The following GNAL variants were observed in gnomAD, a reference collection of about 807,000 sequenced individuals.
The protein encoded by GNAL is G protein subunit alpha L, also known as guanine nucleotide-binding protein G(olf) subunit alpha.
GNAL carries 18 observed loss-of-function variants against 55.1 expected under a neutral mutation model. The observed-to-expected ratio is 0.33, with a 90% CI of 0.23 to 0.48. The LOEUF is 0.48. GNAL is among the 20% of genes least tolerant of loss of function. The pLI is 0.99. For missense variants in GNAL, 412 were observed against 614.1 expected (o/e 0.67, Z 3.48); for synonymous variants, 253 against 237.0 (o/e 1.07, Z -0.62).
At chr18:11,753,801 TA>T (rs770838797) in intron 3 of GNAL, 24 bp from the exon 4 acceptor site, 14 of 1,579,144 alleles carry the variant, frequency 8.9e-6, no homozygotes, top group Admixed American at 5.0e-5. Context: ...TGTTTATCCA[TA>T]TTTTTTTTCT....
intron 1 of GNAL, among the ~76,000 whole-genome samples, chr18:11,714,008 GA>G (rs1279617809): frequency 6.6e-6 from 1 of 152,024 alleles, no homozygotes; most frequent in Non-Finnish European, 1.5e-5. Flanking sequence ...GCCCAGGTTT[GA>G]AAAAAGGGAA....
chr18:11,833,327 G>A (rs561949672), intron 5 of GNAL, among the ~76,000 whole-genome samples: 119 of 152,212 alleles, frequency 7.8e-4, no homozygotes, highest in Middle Eastern at 3.4e-3. Context: ...ACTGTGCCCC[G>A]CCTCTCAGAT....
At chr18:11,814,507 G>A (rs568241355) in intron 4 of GNAL, among the ~76,000 whole-genome samples, 260 of 149,134 alleles carry the variant, frequency 1.7e-3, no homozygotes, top group Non-Finnish European at 3.0e-3. Context: ...CAGCCTGGGC[G>A]ACAGAGCAAG....
chr18:11,870,476 G>T (rs1018038885), intron 9 of GNAL, among the ~76,000 whole-genome samples: 17 of 152,034 alleles, frequency 1.1e-4, no homozygotes, highest in African/African-American at 3.9e-4. Context: ...AGCTGAGATC[G>T]CACCACTGAA....
chr18:11,767,117 C>T (rs1005663113), intron 4 of GNAL, among the ~76,000 whole-genome samples: 6 of 152,180 alleles, frequency 3.9e-5, no homozygotes, highest in African/African-American at 9.7e-5. Flanking sequence ...CCCTGACTTC[C>T]CTCCCATATG....
chr18:11,789,553 A>G (rs1002305732), intron 4 of GNAL, among the ~76,000 whole-genome samples: 1 of 152,250 alleles, frequency 6.6e-6, no homozygotes. Flanking sequence ...GGAAGACTAT[A>G]TATAGATAGG....
chr18:11,690,044 G>A, intron 1 of GNAL, 105 bp downstream of exon 1: 1 of 591,552 alleles, frequency 1.7e-6, no homozygotes, highest in Non-Finnish European at 2.4e-6. Flanking sequence ...GAGCGGCGGC[G>A]GGAGGGGCTC....
chr18:11,793,586 A>G (rs922686482), intron 4 of GNAL, among the ~76,000 whole-genome samples: 3 of 152,022 alleles, frequency 2.0e-5, no homozygotes, highest in African/African-American at 7.3e-5. Flanking sequence ...TGTCTCTAAA[A>G]AAATAAAAAT....
chr18:11,832,648 A>G (rs2035410854), intron 5 of GNAL, among the ~76,000 whole-genome samples: 3 of 152,222 alleles, frequency 2.0e-5, no homozygotes, highest in Non-Finnish European at 4.4e-5. Flanking sequence ...ACCTGAGGTC[A>G]GGAGTTTGAG....
In GNAL at chr18:11,884,528, C is replaced by T. The variant is rs759150741; in HGVS notation, c.*3393C>T. 6.2e-7 allele frequency: 1 copy of T among 1,614,066 alleles called. No individual in the cohort carries two copies. Among genetic ancestry groups the T allele is most frequent in the East Asian group, 2.2e-5 (1 of 44,890 alleles). The stretch of plus-strand genomic sequence containing the variant: ...AGCCCAAAGTGAGTGAGTGTGAGGA[C>T]CACAAGGAAGCCCACCACTCCACAG... On this transcript the variant is annotated 3_prime_UTR_variant, in exon 12 of 12. Transcript: ENST00000334049.
intron 4 of GNAL, among the ~76,000 whole-genome samples, chr18:11,776,996 A>G (rs558843498): frequency 6.6e-6 from 1 of 152,360 alleles, no homozygotes; most frequent in Admixed American, 6.5e-5. Context: ...TGTAAAAGCC[A>G]TTTTAACTTT....
chr18:11,718,893 G>T (rs549237790), intron 1 of GNAL, among the ~76,000 whole-genome samples: 2 of 152,206 alleles, frequency 1.3e-5, no homozygotes, highest in South Asian at 4.1e-4. Context: ...AAAATGTCAT[G>T]ATGAATATTT....
intron 4 of GNAL, among the ~76,000 whole-genome samples, chr18:11,759,554 TGTGTGGCTAAC>T (rs1319519169): frequency 6.6e-6 from 1 of 152,222 alleles, no homozygotes; most frequent in Non-Finnish European, 1.5e-5. Flanking sequence ...GGAGGCACCC[TGTGTGGCTAAC>T]GTCTGAGTGT....
chr18:11,774,077 GAC>G (rs1226049031), intron 4 of GNAL, among the ~76,000 whole-genome samples: 1 of 152,182 alleles, frequency 6.6e-6, no homozygotes, highest in Non-Finnish European at 1.5e-5. Context: ...CCCTGTGCCT[GAC>G]ACACCTTAAA....
intron 4 of GNAL, among the ~76,000 whole-genome samples, chr18:11,758,002 C>T (rs913481488): frequency 1.3e-5 from 2 of 151,978 alleles, no homozygotes; most frequent in African/African-American, 2.4e-5. Context: ...GCTGAGGAGC[C>T]AGGCAGCAGC....
chr18:11,790,651 C>A (rs868593911), intron 4 of GNAL, among the ~76,000 whole-genome samples: 1 of 83,348 alleles, frequency 1.2e-5, no homozygotes. Flanking sequence ...CTTTTCTTTT[C>A]TTTTTTTTTC....
chr18:11,866,320 C>G (rs2036261940), intron 7 of GNAL, among the ~76,000 whole-genome samples: 1 of 150,384 alleles, frequency 6.6e-6, no homozygotes, highest in African/African-American at 2.5e-5. Context: ...GGATCAGCAA[C>G]ATACCCGCCC....
chr18:11,764,283 T>C (rs1308845162), intron 4 of GNAL, among the ~76,000 whole-genome samples: 3 of 152,038 alleles, frequency 2.0e-5, no homozygotes, highest in Non-Finnish European at 4.4e-5. Flanking sequence ...TTTTTTGTAT[T>C]TTTAGTAGAG....
chr18:11,848,661 T>C (rs1325255362), intron 5 of GNAL, among the ~76,000 whole-genome samples: 1 of 152,066 alleles, frequency 6.6e-6, no homozygotes, highest in Non-Finnish European at 1.5e-5. Flanking sequence ...TTCCCCATGT[T>C]GGCCAGGCTG....
Sources: gnomAD v4.1 joint callset for allele counts (sites outside exome capture counted in the v4.1 genomes callset) on GRCh38, gnomAD v4.1.1 for gene constraint, MANE v1.5 for transcripts, NCBI Gene and HGNC (gene_info 2026-07-23, HGNC 2026-07-21) for gene names.